Variants in FOXK2 observed in about 807,000 individuals in gnomAD.
The protein encoded by FOXK2 is forkhead box protein K2.
A neutral mutation model predicts 53.3 loss-of-function variants in FOXK2; 24 were observed. The ratio of observed to expected loss-of-function variants is 0.45; its 90% CI spans 0.33 to 0.63. The LOEUF (loss-of-function observed/expected upper bound fraction) is 0.63, where lower values mean the gene tolerates loss of function less well. Ranked by LOEUF, FOXK2 falls within the 30% of genes least tolerant of loss-of-function variation. FOXK2 has a pLI of 0.03. For missense variants in FOXK2, 952 were observed against 910.5 expected, an observed-to-expected ratio of 1.05 and a Z score of -0.59; for synonymous variants, 505 against 407.1, an observed-to-expected ratio of 1.24 and a Z score of -2.89.
At chr17:82,527,807 CTTTTA>C (rs1178796453) in intron 1 of FOXK2, among the ~76,000 whole-genome samples, 1 of 151,844 alleles carries the variant, frequency 6.6e-6, no homozygotes, top group East Asian at 1.9e-4. Flanking sequence ...CTCTGTGTTC[CTTTTA>C]TTTTATTATT....
At chr17:82,559,123 A>T (rs948623076) in intron 1 of FOXK2, among the ~76,000 whole-genome samples, 1 of 151,856 alleles carries the variant, frequency 6.6e-6, no homozygotes, top group African/African-American at 2.4e-5. Context: ...CGAACTTCTG[A>T]CCTCAGGGGA....
At chr17:82,557,771 C>G (rs1306338641) in intron 1 of FOXK2, among the ~76,000 whole-genome samples, 1 of 152,178 alleles carries the variant, frequency 6.6e-6, no homozygotes, top group Non-Finnish European at 1.5e-5. Context: ...GCCTCAGCCT[C>G]TGAGTCACTG....
intron 1 of FOXK2, among the ~76,000 whole-genome samples, chr17:82,535,933 G>T (rs1241742019): frequency 1.3e-5 from 2 of 151,988 alleles, no homozygotes; most frequent in African/African-American, 4.8e-5. Flanking sequence ...GTGGAGATGG[G>T]GTTTCTCCAT....
intron 8 of FOXK2, among the ~76,000 whole-genome samples, chr17:82,592,505 A>G (rs1239984386): frequency 1.3e-5 from 2 of 152,208 alleles, no homozygotes; most frequent in South Asian, 4.1e-4. Flanking sequence ...CTGTCTGGAC[A>G]GGCCTGCCTG....
intron 4 of FOXK2, chr17:82,576,944 G>A (rs1241068114): frequency 1.3e-5 from 5 of 397,810 alleles, no homozygotes; most frequent in African/African-American, 6.2e-5. Context: ...CAGATCACCT[G>A]TGGTTGGAGG....
chr17:82,591,847 G>C (rs1232691546), intron 8 of FOXK2, among the ~76,000 whole-genome samples: 1 of 152,216 alleles, frequency 6.6e-6, no homozygotes, highest in East Asian at 1.9e-4. Flanking sequence ...CTGGGCTGCA[G>C]GCGCTGTTTC....
chr17:82,534,897 T>G (rs145635374), intron 1 of FOXK2, among the ~76,000 whole-genome samples: 40 of 152,372 alleles, frequency 2.6e-4, no homozygotes, highest in Non-Finnish European at 3.1e-4. Flanking sequence ...ACACATTTTT[T>G]GGGGGCAGGT....
At chr17:82,550,240 G>A (rs566695381) in intron 1 of FOXK2, among the ~76,000 whole-genome samples, 1 of 152,222 alleles carries the variant, frequency 6.6e-6, no homozygotes, top group African/African-American at 2.4e-5. Flanking sequence ...TGTCTTCTGT[G>A]GATTCCTGGC....
intron 1 of FOXK2, among the ~76,000 whole-genome samples, chr17:82,523,010 G>T (rs1258824353): frequency 1.3e-5 from 2 of 152,052 alleles, no homozygotes; most frequent in African/African-American, 4.8e-5. Context: ...GGCCAGGATG[G>T]TCTTGATCTC....
At chr17:82,597,300 G>A (rs145023073) in intron 8 of FOXK2, among the ~76,000 whole-genome samples, 141 of 152,338 alleles carry the variant, frequency 9.3e-4, no homozygotes, top group African/African-American at 3.1e-3. Flanking sequence ...AAGAGAGCAC[G>A]TGTGGGCCTC....
intron 1 of FOXK2, among the ~76,000 whole-genome samples, chr17:82,539,789 AC>A (rs1010210606): frequency 2.6e-5 from 4 of 151,196 alleles, no homozygotes; most frequent in Admixed American, 2.6e-4. Flanking sequence ...ACATGGTGAA[AC>A]CCTGTCTCCG....
intron 8 of FOXK2, among the ~76,000 whole-genome samples, chr17:82,590,335 T>C (rs1381267891): frequency 1.3e-5 from 2 of 152,178 alleles, no homozygotes; most frequent in Non-Finnish European, 2.9e-5. Flanking sequence ...TTATTTTTTA[T>C]TTGGGAGGTA....
At position 82,532,679 on chromosome 17, in the gene FOXK2, C is replaced by T. The variant is rs1435426440; in HGVS notation, c.419+12372C>T. On this transcript the variant is annotated intron_variant, in intron 1 of 8. Transcript: ENST00000335255. The stretch of plus-strand genomic sequence containing the variant: ...GTGGCTCACTGCAACCTCTGCCTCC[C>T]GGGTTCGAGTGATTCTCCTGCTTCA... Among the ~76,000 whole-genome samples, 3 of 152,136 alleles carry T rather than the reference C, an allele frequency of 2.0e-5. No individual in the cohort carries two copies. The South Asian group carries it at 6.2e-4, about 32-fold the overall frequency.
At chr17:82,529,348 G>T (rs1427153101) in intron 1 of FOXK2, among the ~76,000 whole-genome samples, 1 of 146,468 alleles carries the variant, frequency 6.8e-6, no homozygotes, top group East Asian at 2.0e-4. Flanking sequence ...TCAGCCTCCT[G>T]AGTAGCTGGA....
intron 1 of FOXK2, among the ~76,000 whole-genome samples, chr17:82,543,459 C>T (rs1408482918): frequency 6.6e-6 from 1 of 152,124 alleles, no homozygotes; most frequent in Non-Finnish European, 1.5e-5. Flanking sequence ...TGTGGGGGTG[C>T]CACACCCAGG....
intron 1 of FOXK2, among the ~76,000 whole-genome samples, chr17:82,536,915 CTT>C (rs1348297745): frequency 6.6e-6 from 1 of 152,194 alleles, no homozygotes; most frequent in Non-Finnish European, 1.5e-5. Context: ...TTGGATCTGA[CTT>C]AGGCAAAACA....
In FOXK2 at chr17:82,587,160, C is replaced by T. The variant is rs373697681; in HGVS notation, c.1674C>T (p.Thr558=). 6 of 1,612,980 alleles carry T rather than the reference C, an allele frequency of 3.7e-6. No individual in the cohort carries two copies. The highest frequency in any genetic ancestry group is 1.1e-5 in the South Asian group (1 of 91,086). Residue 558 remains threonine (T), a synonymous_variant, in exon 8 of 9, where the codon ACC becomes ACT. Coordinates refer to ENST00000335255, the MANE Select transcript of FOXK2 (RefSeq NM_004514.4). ...TAQTTPVQTV[T]IVQQAPLGQH... is the part of the protein sequence containing the mutation. ...AGACCACCCCGGTCCAGACGGTGAC[C>T]ATAGTACAACAGGCACCTCTAGGTC...
chr17:82,529,429 G>C (rs1022800547), intron 1 of FOXK2, among the ~76,000 whole-genome samples: 4 of 145,724 alleles, frequency 2.7e-5, no homozygotes, highest in African/African-American at 1.0e-4. Flanking sequence ...CTGCTCTGTC[G>C]TCCAGGCTGG....
At chr17:82,520,847 A>G (rs1161222697) in intron 1 of FOXK2, among the ~76,000 whole-genome samples, 1 of 152,196 alleles carries the variant, frequency 6.6e-6, no homozygotes, top group African/African-American at 2.4e-5. Context: ...TCAGTAGGCC[A>G]AATTGGAAGA....
Sources: allele counts gnomAD v4.1 joint callset (sites outside exome capture counted in the v4.1 genomes callset), GRCh38; gene constraint gnomAD v4.1.1; transcripts MANE v1.5; gene names NCBI Gene and HGNC (gene_info 2026-07-23, HGNC 2026-07-21).